Variants in APC2 observed in about 807,000 individuals in gnomAD.
APC2 encodes the protein adenomatous polyposis coli protein 2.
APC2 carries 41 observed loss-of-function variants against 72.5 expected under a neutral mutation model. The observed-to-expected ratio is 0.57, with a 90% confidence interval of 0.44 to 0.73. The LOEUF is 0.73. Ranked by LOEUF, APC2 falls within the 30% of genes least tolerant of loss-of-function variation. The probability of loss-of-function intolerance (pLI) is 0.00; values close to 1 mark genes in which losing one functional copy is unlikely to be tolerated. For synonymous variants in APC2, 1,898 were observed against 1,612.0 expected, an observed-to-expected ratio of 1.18 and a Z score of -4.25; for missense variants, 3,729 against 3,403.4, an observed-to-expected ratio of 1.10 and a Z score of -2.38.
At chr19:1,460,030 C>G in intron 10 of APC2, 151 bp from the exon 11 acceptor site, 7 of 1,079,144 alleles carry the variant, frequency 6.5e-6, no homozygotes, top group Non-Finnish European at 9.3e-6. Context: ...CATACCGGCT[C>G]CTGGAGGAGG....
In APC2 at chr19:1,466,806, G is replaced by T; in HGVS notation, c.3505G>T (p.Gly1169Cys). Residue 1169 changes from glycine to cysteine, a missense_variant, in exon 15 of 15, where the codon GGC (glycine) becomes TGC (cysteine). Physicochemically the swap from Gly to Cys is radical, Grantham distance 159 (BLOSUM62 -3). Transcript: ENST00000590469. Reference protein sequence around the residue: ...LSRCSSVSSLGSFESPSIASS... With the variant: ...LSRCSSVSSLCSFESPSIASS... ...CCGCTGCAGCTCTGTGAGCTCGCTG[G>T]GCAGCTTCGAGAGCCCGTCCATCGC... 1 of 1,551,944 alleles carries T rather than the reference G, an allele frequency of 6.4e-7. No homozygotes were observed.
intron 14 of APC2, 47 bp from the exon 15 acceptor site, chr19:1,465,108 A>C: frequency 1.3e-6 from 2 of 1,557,722 alleles, no homozygotes; most frequent in Non-Finnish European, 1.7e-6. Context: ...TTCGGTGGGC[A>C]GGGGAGGGTG....
At chr19:1,458,917 C>T (rs2083881038) in intron 10 of APC2, among the ~76,000 whole-genome samples, 2 of 152,088 alleles carry the variant, frequency 1.3e-5, no homozygotes, top group South Asian at 2.1e-4. Context: ...CTCCTGGCCT[C>T]GGGTGATCCG....
At position 1,456,939 on chromosome 19, in the gene APC2, G is replaced by T. The variant is rs770975897; in HGVS notation, c.903G>T (p.Ser301=). The change falls in exon 9 of 15, where the codon TCG becomes TCT. Residue 301 remains serine (S), a synonymous_variant. Transcript: ENST00000590469. ...TARTLLAMSS[S]PESCVAMRRS... is the part of the protein sequence containing the mutation. ...GCACGCTGCTGGCCATGTCCAGCTC[G>T]CCCGAGAGCTGCGTGGCCATGCGCC... 9 of 1,556,744 alleles carry T rather than the reference G, an allele frequency of 5.8e-6. No individual in the cohort carries two copies. The South Asian group carries it at 8.2e-5, about 14-fold the overall frequency.
intron 10 of APC2, among the ~76,000 whole-genome samples, chr19:1,459,658 G>C (rs780758760): frequency 7.2e-5 from 11 of 152,320 alleles, no homozygotes; most frequent in Non-Finnish European, 1.6e-4. Context: ...TTGGTGACAA[G>C]TCCTCCTCTC....
rs773943335 is a variant in APC2, at chr19:1,456,188, G to C, written c.717+35G>C. On this transcript the variant is annotated intron_variant, in intron 7 of 14. Coordinates refer to ENST00000590469, the MANE Select transcript of APC2 (RefSeq NM_005883.3). ...GGGGCAGAGCCAGGGACCAGGGGTG[G>C]TGTCGGCCCAGGCAGAACGGGGCTC... 3.2e-6 allele frequency: 5 copies of C among 1,562,386 alleles called. No individual in the cohort carries two copies. The East Asian group carries it at 1.2e-4, about 37-fold the overall frequency.
chr19:1,466,873 G>T lies in APC2; in HGVS notation c.3572G>T (p.Gly1191Val). ...GAACCTTGCAGCGGGCAGGGCAGCG[G>T]CACCATCAGCCCTAGCGAGCTGCCC... is the stretch of plus-strand genomic sequence containing the variant. ...PSEPCSGQGSGTISPSELPDS... is the reference protein window; with the variant it reads ...PSEPCSGQGSVTISPSELPDS... Residue 1191 changes from glycine (G) to valine (V), a missense_variant, in exon 15 of 15, where the codon GGC (glycine) becomes GTC (valine). By Grantham distance (109) the Gly-to-Val change is moderately radical. Transcript: ENST00000590469. 1 of 1,565,650 alleles carries T rather than the reference G, an allele frequency of 6.4e-7. No homozygotes were observed.
rs757584978 is a variant in APC2, at chr19:1,461,925, T to C, written c.1639-38T>C. The C allele has an allele frequency of 5.2e-6, 8 of 1,550,842 alleles. No homozygotes were observed. In the South Asian group the frequency reaches 9.1e-5, roughly 18 times the overall value. Reference sequence around the variant, plus strand: ...CGTGGGAGCCTTTCCTCCGGGCCACTCAGGCCCTGACCCGCCCCTCTCCCG... The same window carrying C: ...CGTGGGAGCCTTTCCTCCGGGCCACCCAGGCCCTGACCCGCCCCTCTCCCG... On this transcript the variant is annotated intron_variant, in intron 13 of 14. Transcript: ENST00000590469.
rs1221290461 is a variant in APC2 at position 1,472,811 on chromosome 19, G to C, written c.*2598G>C. Reference sequence around the variant, plus strand: ...CCTCTCTGCACCAGGGTGACAAGGGGTCCTCGTCTGCCCCCCAATGCTCCA... The same window carrying C: ...CCTCTCTGCACCAGGGTGACAAGGGCTCCTCGTCTGCCCCCCAATGCTCCA... On this transcript the variant is annotated 3_prime_UTR_variant, in exon 15 of 15. Transcript: ENST00000590469. The C allele has an allele frequency of 6.6e-6, 1 of 152,466 alleles. No homozygotes were observed. Among genetic ancestry groups the C allele is most frequent in the African/African-American group, 2.4e-5 (1 of 41,434 alleles). 9.4% of individuals were successfully genotyped at this position (152,466 alleles called of 1,614,324 possible).
rs1394517318 is a variant in APC2 at position 1,461,135 on chromosome 19, T to C, written c.1620T>C (p.Cys540=). Residue 540 remains cysteine, a synonymous_variant, in exon 13 of 15, where the codon TGT becomes TGC. Coordinates refer to ENST00000590469, the MANE Select transcript of APC2 (RefSeq NM_005883.3). ...EAGSVTALVQ[C]VLRATKESTL... The stretch of plus-strand genomic sequence containing the variant: ...GCAGCGTGACTGCCCTGGTGCAGTG[T>C]GTCCTGCGGGCCACCAAGGTGGGCA... The C allele has an allele frequency of 6.2e-7, 1 of 1,611,286 alleles. No homozygotes were observed. The highest frequency in any genetic ancestry group is 8.5e-7 in the Non-Finnish European group (1 of 1,179,958).
chr19:1,462,145 G>A lies in APC2; in HGVS notation c.1821G>A (p.Val607=), dbSNP rs2083936488. ...IESGGGILRN[V]SSLVATREDY... ...GCGGCGGCGGCATCCTCCGCAATGT[G>A]TCCAGCCTCGTCGCCACCCGTGAGG... Residue 607 remains valine, a synonymous_variant, in exon 14 of 15, where the codon GTG becomes GTA. Coordinates refer to ENST00000590469, the MANE Select transcript of APC2 (RefSeq NM_005883.3). The A allele has an allele frequency of 6.2e-7, 1 of 1,609,452 alleles. No individual in the cohort carries two copies. The highest frequency in any genetic ancestry group is 1.7e-5 in the Admixed American group (1 of 59,894).
chr19:1,454,587 G>A (rs1366078833), intron 4 of APC2, among the ~76,000 whole-genome samples: 4 of 119,608 alleles, frequency 3.3e-5, no homozygotes, highest in Admixed American at 1.7e-4. Context: ...TTTTTGAGAC[G>A]GAGTCTCGCT....
Position 1,469,535 on chromosome 19 carries a change from C to G in APC2, c.6234C>G (p.Ser2078=), listed in dbSNP as rs1465211117. Residue 2078 remains serine (S), a synonymous_variant, in exon 15 of 15, where the codon TCC becomes TCG. Transcript: ENST00000590469. ...AGCGCCCTGCCCGGCGCACCACCTC[C>G]GAGAGCCCGTCCCGCCTGCCTGTGC... ...PGERPARRTT[S]ESPSRLPVRA... 6.4e-5 allele frequency: 77 copies of G among 1,200,586 alleles called. No individual in the cohort carries two copies. Among genetic ancestry groups the G allele is most frequent in the Non-Finnish European group, 8.0e-5 (76 of 954,924 alleles). 74.4% of individuals were successfully genotyped at this position (1,200,586 alleles called of 1,614,324 possible). A position where few individuals can be genotyped will look rare whatever the true frequency, so the allele number is the denominator to read the frequency against.
At chr19:1,454,834 TG>T (rs1325936529) in intron 4 of APC2, among the ~76,000 whole-genome samples, 3 of 152,116 alleles carry the variant, frequency 2.0e-5, no homozygotes, top group Non-Finnish European at 1.5e-5. Flanking sequence ...CTCAAAGTGC[TG>T]GGATTACAGG....
At chr19:1,458,964 G>T (rs531871451) in intron 10 of APC2, among the ~76,000 whole-genome samples, 74 of 152,056 alleles carry the variant, frequency 4.9e-4, no homozygotes, top group Non-Finnish European at 7.8e-4. Context: ...GATTACAGGC[G>T]CGAGCCACCA....
chr19:1,450,144 G>C lies in APC2; in HGVS notation c.-213G>C, dbSNP rs953503917. The C allele has an allele frequency of 4.0e-5, 39 of 985,122 alleles. No individual in the cohort carries two copies. Among genetic ancestry groups the C allele is most frequent in the Non-Finnish European group, 4.6e-5 (38 of 829,880 alleles). 61.0% of individuals were successfully genotyped at this position (985,122 alleles called of 1,614,324 possible). On this transcript the variant is annotated 5_prime_UTR_variant, in exon 1 of 15. Transcript: ENST00000590469. ...TCGCGGTGGTCTCGCCCAGCGCTAG[G>C]AGCGGCAGCGCCGCCTGCCCAGGCC...
At chr19:1,464,936 C>CT (rs78166202) in intron 14 of APC2, among the ~76,000 whole-genome samples, 19,589 of 142,678 alleles carry the variant, frequency 0.14, 3,972 homozygotes, top group African/African-American at 0.45. Context: ...CCCGGCCTAC[C>CT]TTTTTTTTTT....
Position 1,466,835 on chromosome 19 carries a change from C to T in APC2, c.3534C>T (p.Ser1178=), listed in dbSNP as rs2084025395. The stretch of plus-strand genomic sequence containing the variant: ...GCTTCGAGAGCCCGTCCATCGCCAG[C>T]TCCATCCCCAGTGAACCTTGCAGCG... ...LGSFESPSIA[S]SIPSEPCSGQ... Residue 1178 remains serine (S), a synonymous_variant, in exon 15 of 15, where the codon AGC becomes AGT. Transcript: ENST00000590469. 1 of 1,557,924 alleles carries T rather than the reference C, an allele frequency of 6.4e-7. No homozygotes were observed. The highest frequency in any genetic ancestry group is 8.7e-7 in the Non-Finnish European group (1 of 1,152,148).
chr19:1,468,378 G>A lies in APC2; in HGVS notation c.5077G>A (p.Ala1693Thr). 2.5e-6 allele frequency: 4 copies of A among 1,576,832 alleles called. No homozygotes were observed. Among genetic ancestry groups the A allele is most frequent in the Non-Finnish European group, 3.4e-6 (4 of 1,159,866 alleles). Residue 1693 changes from alanine to threonine, a missense_variant, in exon 15 of 15, where the codon GCC (alanine) becomes ACC (threonine). Physicochemically the swap from Ala to Thr is moderately conservative, Grantham distance 58 (BLOSUM62 0). Coordinates refer to ENST00000590469, the MANE Select transcript of APC2 (RefSeq NM_005883.3). ...SVEWRAIQEG[A>T]NSIVTWLHQA... ...GGAGTGGCGCGCCATCCAGGAGGGC[G>A]CCAATTCAATTGTCACGTGGCTGCA...
Sources: allele counts gnomAD v4.1 joint callset (sites outside exome capture counted in the v4.1 genomes callset), GRCh38; gene constraint gnomAD v4.1.1; transcripts MANE v1.5; gene names NCBI Gene and HGNC (gene_info 2026-07-23, HGNC 2026-07-21).